Variants in GMDS observed in about 807,000 individuals in gnomAD.
GMDS encodes the protein GDP-mannose 4,6-dehydratase, also known as GDP-mannose 4,6 dehydratase.
Under a neutral mutation model 49.9 loss-of-function variants are expected in GMDS, and 20 were observed. The observed-to-expected ratio is 0.40, with a 90% CI of 0.28 to 0.58. GMDS has a LOEUF of 0.58. GMDS is among the 20% of genes least tolerant of loss of function. GMDS has a pLI of 0.42. For synonymous variants in GMDS, 177 were observed against 178.6 expected, an observed-to-expected ratio of 0.99 and a Z score of 0.07; for missense variants, 362 against 481.4, an observed-to-expected ratio of 0.75 and a Z score of 2.32.
rs761823788 is a variant in GMDS, at chr6:1,668,720, AC to A, written c.988-44181del. On this transcript the variant is annotated intron_variant, in intron 9 of 10. Transcript: ENST00000380815. ...AGACTCTGTCTAAACAAACAAACAA[AC>A]AAACAAAAAAAACCACTGGGAATAA... Among the ~76,000 whole-genome samples the A allele has an allele frequency of 2.8e-3, 408 of 144,960 alleles. 1 individual carries two copies. The highest frequency in any genetic ancestry group is 4.5e-3 in the Admixed American group (65 of 14,524).
chr6:1,907,013 G>A (rs558371097), intron 7 of GMDS, among the ~76,000 whole-genome samples: 102 of 152,292 alleles, frequency 6.7e-4, no homozygotes, highest in African/African-American at 2.4e-3. Flanking sequence ...TGAGAACTCA[G>A]ATGCACTGCA....
At chr6:2,232,292 C>T (rs1458323898) in intron 1 of GMDS, among the ~76,000 whole-genome samples, 2 of 152,178 alleles carry the variant, frequency 1.3e-5, no homozygotes, top group Admixed American at 1.3e-4. Context: ...CCATGAGCTA[C>T]TGACATTCAG....
intron 7 of GMDS, among the ~76,000 whole-genome samples, chr6:1,872,074 A>G (rs972164472): frequency 1.3e-5 from 2 of 152,118 alleles, no homozygotes; most frequent in African/African-American, 4.8e-5. Context: ...CCCTCTTTCA[A>G]ATTAATCTTT....
chr6:1,922,365 A>G (rs766882354), intron 7 of GMDS, among the ~76,000 whole-genome samples: 33 of 152,216 alleles, frequency 2.2e-4, no homozygotes, highest in Non-Finnish European at 7.3e-5. Context: ...ATGGAAACAC[A>G]AAAAGATACT....
At chr6:1,785,806 T>G (rs1391924609) in intron 7 of GMDS, among the ~76,000 whole-genome samples, 1 of 152,212 alleles carries the variant, frequency 6.6e-6, no homozygotes, top group Non-Finnish European at 1.5e-5. Flanking sequence ...CATAGTGGCT[T>G]GGTAGAGCTC....
Position 1,644,195 on chromosome 6 carries a change from C to T in GMDS, c.988-19655G>A, listed in dbSNP as rs557780386. Among the ~76,000 whole-genome samples the T allele has an allele frequency of 1.2e-4, 18 of 152,362 alleles. No homozygotes were observed. In the South Asian group the frequency reaches 2.3e-3, roughly 19 times the overall value. On this transcript the variant is annotated intron_variant, in intron 9 of 10. Transcript: ENST00000380815. Reference sequence around the variant, plus strand: ...GATCCACTCTTCCTCCAGGGACCCACGCGGGGAGGGCCCTCCACCGCCAGG... The same window carrying T: ...GATCCACTCTTCCTCCAGGGACCCATGCGGGGAGGGCCCTCCACCGCCAGG...
intron 7 of GMDS, among the ~76,000 whole-genome samples, chr6:1,803,456 C>T (rs1195141631): frequency 2.0e-5 from 3 of 152,020 alleles, no homozygotes; most frequent in South Asian, 2.1e-4. Flanking sequence ...TCTCTTTCAG[C>T]GAGCAGCCCT....
intron 1 of GMDS, among the ~76,000 whole-genome samples, chr6:2,235,834 A>G (rs543232921): frequency 3.3e-5 from 5 of 151,778 alleles, no homozygotes; most frequent in Non-Finnish European, 5.9e-5. Context: ...AAAATAAGAA[A>G]AAAAAAAAAA....
At chr6:2,221,436 G>A (rs1581817373) in intron 1 of GMDS, among the ~76,000 whole-genome samples, 1 of 151,778 alleles carries the variant, frequency 6.6e-6, no homozygotes, top group Non-Finnish European at 1.5e-5. Flanking sequence ...GCTAGAGTGC[G>A]GTGGCGCAAT....
At chr6:1,634,519 C>T (rs1763084901) in intron 9 of GMDS, among the ~76,000 whole-genome samples, 2 of 152,200 alleles carry the variant, frequency 1.3e-5, no homozygotes, top group African/African-American at 4.8e-5. Flanking sequence ...CTCTGTCTCT[C>T]TCTGGGTGTG....
intron 9 of GMDS, among the ~76,000 whole-genome samples, chr6:1,720,869 A>G (rs1338800291): frequency 2.0e-5 from 3 of 152,080 alleles, no homozygotes; most frequent in Non-Finnish European, 2.9e-5. Flanking sequence ...GAAGGGATAG[A>G]GTGGGGGGAT....
At chr6:1,871,987 G>C (rs1405112779) in intron 7 of GMDS, among the ~76,000 whole-genome samples, 1 of 152,244 alleles carries the variant, frequency 6.6e-6, no homozygotes, top group Non-Finnish European at 1.5e-5. Context: ...TATTAGGCAA[G>C]AGAAGCACTT....
At position 1,635,945 on chromosome 6, in the gene GMDS, T is replaced by C. The variant is rs1263449099; in HGVS notation, c.988-11405A>G. Reference sequence around the variant, plus strand: ...ACACTACTGTTTGGTTAGAGCCCTTTCCTCACAAGGCACTTTTCCTACGTC... The same window carrying C: ...ACACTACTGTTTGGTTAGAGCCCTTCCCTCACAAGGCACTTTTCCTACGTC... On this transcript the variant is annotated intron_variant, in intron 9 of 10. Transcript: ENST00000380815. The surrounding 1 kb of genome is among the most constrained non-coding windows in gnomAD (Gnocchi z 4.7). 2.6e-5 allele frequency among the ~76,000 whole-genome samples: 4 copies of C among 152,148 alleles called. No individual in the cohort carries two copies. The East Asian group carries it at 7.7e-4, about 29-fold the overall frequency.
intron 4 of GMDS, among the ~76,000 whole-genome samples, chr6:2,069,148 G>C (rs1438593393): frequency 1.3e-5 from 2 of 152,100 alleles, no homozygotes; most frequent in South Asian, 2.1e-4. Context: ...ACAAACCTGA[G>C]AAAAACAAGC....
intron 4 of GMDS, among the ~76,000 whole-genome samples, chr6:1,995,226 G>A (rs186022713): frequency 7.2e-5 from 11 of 152,232 alleles, no homozygotes; most frequent in East Asian, 5.8e-4. Flanking sequence ...GCCACAGATC[G>A]TTTACAGTGG....
rs1771899092 is a variant in GMDS at position 2,070,184 on chromosome 6, C to T, written c.345+45587G>A. ...ATCGCAAGAACAAAAAACAAAACAC[C>T]ACATATTCTCACTCATAGGTGGCAA... On this transcript the variant is annotated intron_variant, in intron 4 of 10. Coordinates refer to ENST00000380815, the MANE Select transcript of GMDS (RefSeq NM_001500.4). 4.1e-5 allele frequency among the ~76,000 whole-genome samples: 6 copies of T among 148,062 alleles called. No individual in the cohort carries two copies. The South Asian group carries it at 1.1e-3, about 26-fold the overall frequency.
Position 1,640,792 on chromosome 6 carries a change from C to T in GMDS, c.988-16252G>A, listed in dbSNP as rs886741629. ...AAACAATCAGGTGGTTACAAGGCCT[C>T]TGATAAAAAGAAAATTGGGTAATGG... On this transcript the variant is annotated intron_variant, in intron 9 of 10. Coordinates refer to ENST00000380815, the MANE Select transcript of GMDS (RefSeq NM_001500.4). The surrounding 1 kb of genome is among the most constrained non-coding windows in gnomAD (Gnocchi z 4.0). Among the ~76,000 whole-genome samples the T allele has an allele frequency of 1.3e-5, 2 of 151,244 alleles. No homozygotes were observed. Among genetic ancestry groups the T allele is most frequent in the African/African-American group, 4.9e-5 (2 of 41,092 alleles).
intron 9 of GMDS, among the ~76,000 whole-genome samples, chr6:1,683,969 T>G (rs181738982): frequency 3.1e-5 from 2 of 63,682 alleles, no homozygotes; most frequent in African/African-American, 1.0e-4. Context: ...TTGCCATCGG[T>G]AGGCCTGGAT....
chr6:2,175,569 T>A (rs150589578), intron 1 of GMDS, among the ~76,000 whole-genome samples: 1 of 152,320 alleles, frequency 6.6e-6, no homozygotes, highest in East Asian at 1.9e-4. Flanking sequence ...AAGCAGAGGT[T>A]GTATCATTTC....
Sources: gnomAD v4.1 joint callset for allele counts (sites outside exome capture counted in the v4.1 genomes callset) on GRCh38, gnomAD v4.1.1 for gene constraint, Gnocchi (gnomAD v3.1) non-coding constraint, MANE v1.5 for transcripts, NCBI Gene and HGNC (gene_info 2026-07-23, HGNC 2026-07-21) for gene names.